Variants in ST6GALNAC5 observed in about 807,000 individuals in gnomAD.
The protein encoded by ST6GALNAC5 is ST6 N-acetylgalactosaminide alpha-2,6-sialyltransferase 5, also known as alpha-N-acetylgalactosaminide alpha-2,6-sialyltransferase 5.
Under a neutral mutation model 33.6 loss-of-function variants are expected in ST6GALNAC5, and 27 were observed. That is an observed-to-expected ratio of 0.80 (90% CI 0.59 to 1.11). ST6GALNAC5 has a LOEUF of 1.11. Ranked by LOEUF, ST6GALNAC5 falls within the 50% of genes least tolerant of loss-of-function variation. ST6GALNAC5 has a pLI of 0.00. For missense variants in ST6GALNAC5, 428 were observed against 454.0 expected, an observed-to-expected ratio of 0.94 and a Z score of 0.52; for synonymous variants, 194 against 171.2, an observed-to-expected ratio of 1.13 and a Z score of -1.04.
At chr1:76,973,203 G>A (rs1307922779) in intron 2 of ST6GALNAC5, among the ~76,000 whole-genome samples, 1 of 151,788 alleles carries the variant, frequency 6.6e-6, no homozygotes, top group Non-Finnish European at 1.5e-5. Flanking sequence ...GTGTTTGTCA[G>A]TGTTCTTCAG....
At chr1:77,029,503 C>T (rs1405314584) in intron 2 of ST6GALNAC5, among the ~76,000 whole-genome samples, 1 of 152,082 alleles carries the variant, frequency 6.6e-6, no homozygotes, top group African/African-American at 2.4e-5. Context: ...AAGACAGTTG[C>T]TTCTGAAGTT....
chr1:76,978,600 C>T (rs1269556885), intron 2 of ST6GALNAC5, among the ~76,000 whole-genome samples: 2 of 152,164 alleles, frequency 1.3e-5, no homozygotes, highest in Non-Finnish European at 2.9e-5. Context: ...AAACTCTTAA[C>T]AAATTGCATA....
intron 4 of ST6GALNAC5, among the ~76,000 whole-genome samples, chr1:77,059,740 C>T (rs73005335): frequency 0.037 from 5,574 of 152,156 alleles, 103 homozygotes; most frequent in Middle Eastern, 0.078. Context: ...ATCTTGCCTG[C>T]GACAATTACT....
rs532712680 is a variant in ST6GALNAC5, at chr1:77,063,865, T to C, written c.*659T>C. 3 of 152,820 alleles carry C rather than the reference T, an allele frequency of 2.0e-5. No individual in the cohort carries two copies. Among genetic ancestry groups the C allele is most frequent in the East Asian group, 3.9e-4 (2 of 5,180 alleles). The allele number at this position is 152,820 out of a possible 1,614,324, so 9.5% of individuals were successfully genotyped here. A position where few individuals can be genotyped will look rare whatever the true frequency, so the allele number is the denominator to read the frequency against. On this transcript the variant is annotated 3_prime_UTR_variant, in exon 5 of 5. Coordinates refer to ENST00000477717, the MANE Select transcript of ST6GALNAC5 (RefSeq NM_030965.3). Reference sequence around the variant, plus strand: ...TAGAATTAGGTTACTCTGTTCACAATGCTCATTGTTAGCATGCAATTGGTA... The same window carrying C: ...TAGAATTAGGTTACTCTGTTCACAACGCTCATTGTTAGCATGCAATTGGTA...
intron 4 of ST6GALNAC5, among the ~76,000 whole-genome samples, chr1:77,050,986 C>T (rs1652199306): frequency 6.6e-6 from 1 of 152,182 alleles, no homozygotes; most frequent in African/African-American, 2.4e-5. Context: ...TTTTGGAAGC[C>T]TGCTTGAAAA....
At chr1:77,049,242 G>A (rs748475175) in intron 3 of ST6GALNAC5, among the ~76,000 whole-genome samples, 1 of 152,064 alleles carries the variant, frequency 6.6e-6, no homozygotes, top group African/African-American at 2.4e-5. Context: ...GCCACACAGT[G>A]CAAGTAGAAA....
chr1:76,983,231 G>A (rs1649331472), intron 2 of ST6GALNAC5, among the ~76,000 whole-genome samples: 1 of 152,130 alleles, frequency 6.6e-6, no homozygotes, highest in Non-Finnish European at 1.5e-5. Flanking sequence ...TGGATAAAGA[G>A]TCAAGACCCA....
At chr1:76,976,190 A>G (rs1326824583) in intron 2 of ST6GALNAC5, among the ~76,000 whole-genome samples, 1 of 152,182 alleles carries the variant, frequency 6.6e-6, no homozygotes, top group Non-Finnish European at 1.5e-5. Context: ...GGGTGCTGAT[A>G]TGTTTAAATT....
At chr1:76,917,032 G>A (rs1646982999) in intron 2 of ST6GALNAC5, among the ~76,000 whole-genome samples, 1 of 152,082 alleles carries the variant, frequency 6.6e-6, no homozygotes, top group Non-Finnish European at 1.5e-5. Context: ...ATTCCTCCTA[G>A]AATAACTCCC....
At chr1:76,901,347 G>A (rs1011476535) in intron 2 of ST6GALNAC5, among the ~76,000 whole-genome samples, 7 of 152,200 alleles carry the variant, frequency 4.6e-5, no homozygotes, top group Admixed American at 4.6e-4. Context: ...TACTCCTCCT[G>A]CCATGAGAGG....
intron 2 of ST6GALNAC5, among the ~76,000 whole-genome samples, chr1:76,874,611 A>G (rs753263946): frequency 2.0e-5 from 3 of 152,138 alleles, no homozygotes; most frequent in African/African-American, 4.8e-5. Context: ...AGGCTGGGAG[A>G]CTAGGCCCAT....
intron 2 of ST6GALNAC5, among the ~76,000 whole-genome samples, chr1:76,930,037 T>C (rs1021755985): frequency 3.3e-5 from 5 of 152,168 alleles, no homozygotes; most frequent in African/African-American, 1.2e-4. Context: ...TAGATGTAGC[T>C]TGTGTTTGTG....
intron 2 of ST6GALNAC5, among the ~76,000 whole-genome samples, chr1:76,934,501 G>A (rs1647177409): frequency 6.6e-6 from 1 of 151,970 alleles, no homozygotes; most frequent in Non-Finnish European, 1.5e-5. Flanking sequence ...TATCACCCGG[G>A]TTCTGCAGTG....
In ST6GALNAC5 at chr1:77,029,911, T is replaced by G. The variant is rs912309468; in HGVS notation, c.262-14293T>G. On this transcript the variant is annotated intron_variant, in intron 2 of 4. Transcript: ENST00000477717. ...GAACAAAACTTAATTTAAGCTTTTC[T>G]TGATGACTTAGGATCACCATTATGA... 4.6e-5 allele frequency among the ~76,000 whole-genome samples: 7 copies of G among 152,258 alleles called. No individual in the cohort carries two copies. The East Asian group carries it at 1.2e-3, about 25-fold the overall frequency.
chr1:76,951,787 C>T lies in ST6GALNAC5; in HGVS notation c.261+83045C>T, dbSNP rs192773151. ...TTGTTCTAAATTCCATGTACCCAAT[C>T]GTTTCTTTAAGAATGTTTTTATTGA... On this transcript the variant is annotated intron_variant, in intron 2 of 4. Transcript: ENST00000477717. Among the ~76,000 whole-genome samples, 370 of 152,102 alleles carry T rather than the reference C, an allele frequency of 2.4e-3. 3 individuals are homozygous for T. The highest frequency in any genetic ancestry group is 8.4e-3 in the African/African-American group (347 of 41,510).
intron 2 of ST6GALNAC5, among the ~76,000 whole-genome samples, chr1:76,876,650 CG>C (rs1653645365): frequency 6.6e-6 from 1 of 152,188 alleles, no homozygotes; most frequent in African/African-American, 2.4e-5. Context: ...AATCTCACAT[CG>C]GACCGTTTCT....
intron 2 of ST6GALNAC5, among the ~76,000 whole-genome samples, chr1:76,969,852 T>A (rs1434650569): frequency 1.3e-5 from 2 of 152,082 alleles, no homozygotes; most frequent in East Asian, 3.9e-4. Context: ...CAGCAATATT[T>A]GCTGTTCTGC....
chr1:76,884,297 G>A (rs1032878760), intron 2 of ST6GALNAC5, among the ~76,000 whole-genome samples: 1 of 152,166 alleles, frequency 6.6e-6, no homozygotes, highest in African/African-American at 2.4e-5. Context: ...GATCCCAGAT[G>A]GCACTTCAAC....
chr1:77,057,132 A>G (rs960718358), intron 4 of ST6GALNAC5, among the ~76,000 whole-genome samples: 1 of 152,186 alleles, frequency 6.6e-6, no homozygotes, highest in Non-Finnish European at 1.5e-5. Context: ...TATGCCAGGT[A>G]CTGCACCAAG....
Sources: gnomAD v4.1 joint callset for allele counts (sites outside exome capture counted in the v4.1 genomes callset) on GRCh38, gnomAD v4.1.1 for gene constraint, MANE v1.5 for transcripts, NCBI Gene and HGNC (gene_info 2026-07-23, HGNC 2026-07-21) for gene names.